The following FAM83G variants were observed in gnomAD, a reference collection of about 807,000 sequenced individuals.
FAM83G encodes the protein protein FAM83G.
In FAM83G, 38 loss-of-function variants were observed where a neutral mutation model predicts 61.5. The ratio of observed to expected loss-of-function variants is 0.62; its 90% CI spans 0.48 to 0.81. The LOEUF is 0.81. Ranked by LOEUF, FAM83G falls within the 30% of genes least tolerant of loss-of-function variation. The probability of loss-of-function intolerance (pLI) is 0.00; values close to 1 mark genes in which losing one functional copy is unlikely to be tolerated. For missense variants in FAM83G, 989 were observed against 1,133.6 expected (o/e 0.87, Z 1.83); for synonymous variants, 470 against 476.1 (o/e 0.99, Z 0.17).
In FAM83G at chr17:18,977,222, T is replaced by C; in HGVS notation, c.2082+362A>G. The C allele has an allele frequency of 6.5e-6, 4 of 619,560 alleles. No homozygotes were observed. In the South Asian group the frequency reaches 8.3e-5, roughly 13 times the overall value. The allele number at this position is 619,560 out of a possible 1,614,324, so 38.4% of individuals were successfully genotyped here. The stretch of plus-strand genomic sequence containing the variant: ...TGCTGTGTGACCTCAAGGCTGTAAA[T>C]GAACGTCCCTGTGCCCCGCCTTTTC... On this transcript the variant is annotated intron_variant, in intron 5 of 5. Coordinates refer to ENST00000388995, the MANE Select transcript of FAM83G (RefSeq NM_001039999.3).
At chr17:18,992,022 ACTC>A (rs2043438148) in intron 2 of FAM83G, among the ~76,000 whole-genome samples, 2 of 151,638 alleles carry the variant, frequency 1.3e-5, no homozygotes, top group Admixed American at 1.3e-4. Flanking sequence ...GGATGTGGGC[ACTC>A]CTCCAGTGAG....
Position 18,969,373 on chromosome 17 carries a change from C to T in FAM83G, c.*1986G>A. Reference sequence around the variant, plus strand: ...TGGCTGCTGTAATCTACACGGACGCCCTGCAGACGCTCATCATGGTGGTGG... The same window carrying T: ...TGGCTGCTGTAATCTACACGGACGCTCTGCAGACGCTCATCATGGTGGTGG... On this transcript the variant is annotated 3_prime_UTR_variant, in exon 6 of 6. Transcript: ENST00000388995. 6.2e-7 allele frequency: 1 copy of T among 1,613,734 alleles called. No individual in the cohort carries two copies. Among genetic ancestry groups the T allele is most frequent in the Non-Finnish European group, 8.5e-7 (1 of 1,180,022 alleles).
chr17:18,992,481 G>C (rs1278152024), intron 2 of FAM83G, among the ~76,000 whole-genome samples: 2 of 152,232 alleles, frequency 1.3e-5, no homozygotes, highest in Non-Finnish European at 2.9e-5. Context: ...CTGCCCCCCA[G>C]CAGACACGGC....
intron 2 of FAM83G, among the ~76,000 whole-genome samples, chr17:18,989,561 G>T (rs1015821854): frequency 2.6e-5 from 4 of 152,222 alleles, no homozygotes; most frequent in Non-Finnish European, 4.4e-5. Context: ...GGCTTCTCTG[G>T]ACCCAGTTTT....
At chr17:18,983,065 C>G (rs1397819352) in intron 3 of FAM83G, among the ~76,000 whole-genome samples, 2 of 152,342 alleles carry the variant, frequency 1.3e-5, no homozygotes, top group African/African-American at 4.8e-5. Flanking sequence ...CACAAAACAT[C>G]CAGGAGGGAT....
At chr17:18,975,156 C>T (rs1173063139) in intron 5 of FAM83G, among the ~76,000 whole-genome samples, 2 of 152,208 alleles carry the variant, frequency 1.3e-5, no homozygotes, top group African/African-American at 4.8e-5. Flanking sequence ...TAGACAGAAC[C>T]ACCGTCTAAC....
At chr17:19,006,070 C>G (rs1488526197), upstream of FAM83G, among the ~76,000 whole-genome samples, 2 of 152,190 alleles carry the variant, frequency 1.3e-5, no homozygotes, top group African/African-American at 2.4e-5. Context: ...AGGCCTCACT[C>G]CCACCTCCAC....
chr17:18,978,816 C>T lies in FAM83G; in HGVS notation c.850G>A (p.Val284Met), dbSNP rs747961109. The T allele has an allele frequency of 1.2e-6, 2 of 1,612,844 alleles. No individual in the cohort carries two copies. Among genetic ancestry groups the T allele is most frequent in the Non-Finnish European group, 1.7e-6 (2 of 1,179,888 alleles). ...TWSAARTDRN[V>M]ISVLSGQVVE... ...ACCTGGCCAGACAGCACAGAGATCA[C>T]ATTCCGGTCCGTCCGCGCGGCCGAC... is the stretch of plus-strand genomic sequence containing the variant. The change falls in exon 5 of 6, where the codon GTG becomes ATG. Residue 284 changes from valine (V) to methionine (M), a missense_variant. Coordinates refer to ENST00000388995, the MANE Select transcript of FAM83G (RefSeq NM_001039999.3).
chr17:18,985,274 AT>A (rs1398831957), intron 3 of FAM83G, among the ~76,000 whole-genome samples: 1 of 152,174 alleles, frequency 6.6e-6, no homozygotes, highest in Non-Finnish European at 1.5e-5. Flanking sequence ...CCATGTCCCC[AT>A]TTTGTAGACA....
intron 3 of FAM83G, among the ~76,000 whole-genome samples, chr17:18,983,517 C>T (rs1162046287): frequency 1.3e-5 from 2 of 152,182 alleles, no homozygotes; most frequent in African/African-American, 4.8e-5. Flanking sequence ...AGTAGAGGCC[C>T]GGTAGAGCAG....
intron 2 of FAM83G, among the ~76,000 whole-genome samples, chr17:18,989,196 C>T (rs2043348455): frequency 6.6e-6 from 1 of 151,846 alleles, no homozygotes; most frequent in Admixed American, 6.5e-5. Flanking sequence ...CTGGCACCAC[C>T]ATCCCTGTCC....
chr17:18,969,497 T>C lies in FAM83G; in HGVS notation c.*1862A>G, dbSNP rs2042785506. 1.5e-6 allele frequency: 2 copies of C among 1,378,906 alleles called. No individual in the cohort carries two copies. Among genetic ancestry groups the C allele is most frequent in the Admixed American group, 3.6e-5 (2 of 55,404 alleles). The allele number at this position is 1,378,906 out of a possible 1,614,324, so 85.4% of individuals were successfully genotyped here. On this transcript the variant is annotated 3_prime_UTR_variant, in exon 6 of 6. Transcript: ENST00000388995. The stretch of plus-strand genomic sequence containing the variant: ...TTTGGAGTCTGGCACTGCCCGGCAC[T>C]GTGCAGGATTCATGCCGTTGGGGTT...
At chr17:18,997,014 C>CT (rs2043586404) in intron 2 of FAM83G, among the ~76,000 whole-genome samples, 1 of 152,228 alleles carries the variant, frequency 6.6e-6, no homozygotes, top group Non-Finnish European at 1.5e-5. Flanking sequence ...TGGATGAACT[C>CT]TGAGGTCCCG....
At chr17:18,994,689 T>C (rs1310780818) in intron 2 of FAM83G, among the ~76,000 whole-genome samples, 1 of 151,308 alleles carries the variant, frequency 6.6e-6, no homozygotes, top group South Asian at 2.1e-4. Context: ...GCAGGGGGTG[T>C]CCTCAGAAGG....
chr17:18,993,182 C>T (rs534259045), intron 2 of FAM83G, among the ~76,000 whole-genome samples: 7 of 152,094 alleles, frequency 4.6e-5, no homozygotes, highest in East Asian at 3.9e-4. Flanking sequence ...CCCCTCTCCC[C>T]GACGCTTCCT....
chr17:18,978,319 G>C lies in FAM83G; in HGVS notation c.1347C>G (p.Ile449Met). The change falls in exon 5 of 6, where the codon ATC becomes ATG. Residue 449 changes from isoleucine (I) to methionine (M), a missense_variant. Physicochemically the swap from Ile to Met is conservative, Grantham distance 10. Transcript: ENST00000388995. ...GGGCGCTGGCCTGGGAGGTGTCACG[G>C]ATCTTGATGCGGTTCATCTGGCTGG... ...PQPSQMNRIKIRDTSQASAQH... is the reference protein window; with the variant it reads ...PQPSQMNRIKMRDTSQASAQH... 6.2e-7 allele frequency: 1 copy of C among 1,608,958 alleles called. No individual in the cohort carries two copies. The highest frequency in any genetic ancestry group is 8.5e-7 in the Non-Finnish European group (1 of 1,177,988).
rs2042786573 is a variant in FAM83G at position 18,969,530 on chromosome 17, G to C, written c.*1829C>G. On this transcript the variant is annotated 3_prime_UTR_variant, in exon 6 of 6. Coordinates refer to ENST00000388995, the MANE Select transcript of FAM83G (RefSeq NM_001039999.3). ...ATTCATGCCGTTGGGGTTCTGGGTAGCATCGCTGGGAGTGGGTGGGTTCAG... is the reference window on the plus strand; with the variant it reads ...ATTCATGCCGTTGGGGTTCTGGGTACCATCGCTGGGAGTGGGTGGGTTCAG... 9.3e-7 allele frequency: 1 copy of C among 1,079,424 alleles called. No homozygotes were observed. The highest frequency in any genetic ancestry group is 2.5e-5 in the East Asian group (1 of 40,440). The allele number at this position is 1,079,424 out of a possible 1,614,324, so 66.9% of individuals were successfully genotyped here. A position where few individuals can be genotyped will look rare whatever the true frequency, so the allele number is the denominator to read the frequency against.
Position 18,984,114 on chromosome 17 carries a change from G to A in FAM83G, c.690+4133C>T, listed in dbSNP as rs545856490. ...TCCCCGCACTTTGGGAGGCCGAGGC[G>A]GGCGGATCACGAGGTCAGCAGATCG... On this transcript the variant is annotated intron_variant, in intron 3 of 5. Transcript: ENST00000388995. 9.2e-5 allele frequency among the ~76,000 whole-genome samples: 14 copies of A among 152,102 alleles called. No homozygotes were observed. The South Asian group carries it at 1.9e-3, about 20-fold the overall frequency.
chr17:18,990,465 A>G (rs914910989), intron 2 of FAM83G, among the ~76,000 whole-genome samples: 1 of 152,164 alleles, frequency 6.6e-6, no homozygotes, highest in East Asian at 1.9e-4. Flanking sequence ...CCTGGAAAGG[A>G]GCCTAATGAG....
Sources: gnomAD v4.1 joint callset for allele counts (sites outside exome capture counted in the v4.1 genomes callset) on GRCh38, gnomAD v4.1.1 for gene constraint, MANE v1.5 for transcripts, NCBI Gene and HGNC (gene_info 2026-07-23, HGNC 2026-07-21) for gene names.